ST6GALNAC5: variants seen among roughly 807,000 people sequenced by gnomAD.
ST6GALNAC5 encodes the protein alpha-N-acetylgalactosaminide alpha-2,6-sialyltransferase 5.
ST6GALNAC5 carries 27 observed loss-of-function variants against 33.6 expected under a neutral mutation model. That is an observed-to-expected ratio of 0.80 (90% CI 0.59 to 1.11). The LOEUF is 1.11. Ranked by LOEUF, ST6GALNAC5 falls within the 50% of genes least tolerant of loss-of-function variation. The probability of loss-of-function intolerance (pLI) is 0.00; values close to 1 mark genes in which losing one functional copy is unlikely to be tolerated. For missense variants in ST6GALNAC5, 428 were observed against 454.0 expected, an observed-to-expected ratio of 0.94 and a Z score of 0.52; for synonymous variants, 194 against 171.2, an observed-to-expected ratio of 1.13 and a Z score of -1.04.
intron 1 of ST6GALNAC5, 109 bp downstream of exon 1, chr1:76,867,799 C>T (rs930329177): frequency 2.0e-6 from 3 of 1,519,164 alleles, no homozygotes; most frequent in East Asian, 2.3e-5. Context: ...GCCGCGAGGT[C>T]GCCTGTTACA....
chr1:77,024,570 T>C (rs1651165149), intron 2 of ST6GALNAC5, among the ~76,000 whole-genome samples: 1 of 152,180 alleles, frequency 6.6e-6, no homozygotes, highest in African/African-American at 2.4e-5. Flanking sequence ...CCAGGCGGGC[T>C]GGGGAGCATC....
chr1:77,032,787 G>T (rs1313368513), intron 2 of ST6GALNAC5, among the ~76,000 whole-genome samples: 2 of 152,146 alleles, frequency 1.3e-5, no homozygotes, highest in East Asian at 3.8e-4. Flanking sequence ...TGAAACCTCA[G>T]ATTTTTCCCC....
intron 2 of ST6GALNAC5, among the ~76,000 whole-genome samples, chr1:77,004,950 TC>T (rs1650334867): frequency 1.3e-5 from 2 of 148,432 alleles, no homozygotes; most frequent in African/African-American, 4.9e-5. Context: ...TTTTTGTTTG[TC>T]TGTGCCCTGC....
chr1:77,009,741 G>T (rs567089951), intron 2 of ST6GALNAC5, among the ~76,000 whole-genome samples: 1 of 152,282 alleles, frequency 6.6e-6, no homozygotes, highest in African/African-American at 2.4e-5. Flanking sequence ...TCCCCCTGAG[G>T]AAATCATAAT....
intron 2 of ST6GALNAC5, among the ~76,000 whole-genome samples, chr1:76,883,550 T>C (rs1484990760): frequency 2.0e-5 from 3 of 152,234 alleles, no homozygotes; most frequent in African/African-American, 4.8e-5. Flanking sequence ...CTTTAATTTC[T>C]GTTTCCCCTT....
chr1:76,945,499 T>C lies in ST6GALNAC5; in HGVS notation c.261+76757T>C, dbSNP rs17099751. On this transcript the variant is annotated intron_variant, in intron 2 of 4. Transcript: ENST00000477717. ...TTTCAGGTGTTATGTTTCTCTATTTTGTAGACTTTCATGTTCTACATTGTG... is the reference window on the plus strand; with the variant it reads ...TTTCAGGTGTTATGTTTCTCTATTTCGTAGACTTTCATGTTCTACATTGTG... 5.3e-4 allele frequency among the ~76,000 whole-genome samples: 80 copies of C among 152,256 alleles called. No homozygotes were observed. The East Asian group carries it at 0.012, about 22-fold the overall frequency.
At chr1:77,057,114 A>G (rs1419930351) in intron 4 of ST6GALNAC5, among the ~76,000 whole-genome samples, 1 of 152,164 alleles carries the variant, frequency 6.6e-6, no homozygotes, top group African/African-American at 2.4e-5. Flanking sequence ...TTTCCTGAGT[A>G]CCTACTATAT....
intron 2 of ST6GALNAC5, among the ~76,000 whole-genome samples, chr1:76,937,100 G>A (rs1043263600): frequency 1.3e-5 from 2 of 151,860 alleles, no homozygotes; most frequent in Non-Finnish European, 2.9e-5. Flanking sequence ...CAAGAGAGTG[G>A]TATGGGTGAT....
chr1:76,904,166 T>C (rs1646842830), intron 2 of ST6GALNAC5, among the ~76,000 whole-genome samples: 1 of 152,194 alleles, frequency 6.6e-6, no homozygotes, highest in Non-Finnish European at 1.5e-5. Flanking sequence ...AAATAGGTCA[T>C]TTTCATGGGA....
In ST6GALNAC5 at chr1:76,972,375, G is replaced by A. The variant is rs146321003; in HGVS notation, c.262-71829G>A. On this transcript the variant is annotated intron_variant, in intron 2 of 4. Transcript: ENST00000477717. ...AGATCTACAATTCAAGTTGAGATTT[G>A]TGTGGGGACACAGCCAAACCATTTC... Among the ~76,000 whole-genome samples the A allele has an allele frequency of 3.6e-4, 55 of 152,238 alleles. 1 individual carries two copies. Among genetic ancestry groups the A allele is most frequent in the African/African-American group, 1.2e-3 (50 of 41,550 alleles).
In ST6GALNAC5 at chr1:76,868,461, A is replaced by G. The variant is rs1453022238; in HGVS notation, c.16-36A>G. On this transcript the variant is annotated intron_variant, in intron 1 of 4. Transcript: ENST00000477717. This position sits in a 1 kb window ranked among gnomAD's most constrained non-coding sequence, Gnocchi z 4.3. ...GCGCGCTCCTCCGGTGTCTGCGCTC[A>G]GCCGCTCTCCTCTTCTCTCTCCCGC... 3 of 1,576,780 alleles carry G rather than the reference A, an allele frequency of 1.9e-6. No homozygotes were observed. The South Asian group carries it at 3.5e-5, about 18-fold the overall frequency.
At chr1:76,927,827 T>C (rs1329294625) in intron 2 of ST6GALNAC5, among the ~76,000 whole-genome samples, 1 of 152,194 alleles carries the variant, frequency 6.6e-6, no homozygotes. Flanking sequence ...TATTGCATTA[T>C]TCAAGCATTT....
intron 2 of ST6GALNAC5, among the ~76,000 whole-genome samples, chr1:77,037,446 T>C (rs1651686372): frequency 1.3e-5 from 2 of 152,152 alleles, no homozygotes; most frequent in Non-Finnish European, 2.9e-5. Context: ...TATTGAGTAC[T>C]ATCCTCACTA....
At chr1:76,881,491 C>CGTTATTTATAAATA (rs1653778370) in intron 2 of ST6GALNAC5, among the ~76,000 whole-genome samples, 1 of 152,114 alleles carries the variant, frequency 6.6e-6, no homozygotes, top group African/African-American at 2.4e-5. Context: ...ATACTTATTC[C>CGTTATTTATAAATA]ACTTTATTGT....
At position 76,868,436 on chromosome 1, in the gene ST6GALNAC5, G is replaced by T; in HGVS notation, c.16-61G>T. On this transcript the variant is annotated intron_variant, in intron 1 of 4. Coordinates refer to ENST00000477717, the MANE Select transcript of ST6GALNAC5 (RefSeq NM_030965.3). This position sits in a 1 kb window ranked among gnomAD's most constrained non-coding sequence, Gnocchi z 4.3. ...ACCACCGCACAGTTGTCCCCGCTGG[G>T]CGCGCTCCTCCGGTGTCTGCGCTCA... The T allele has an allele frequency of 6.5e-7, 1 of 1,544,912 alleles. No individual in the cohort carries two copies. The highest frequency in any genetic ancestry group is 8.7e-7 in the Non-Finnish European group (1 of 1,143,854).
chr1:76,938,800 T>C (rs1051364828), intron 2 of ST6GALNAC5, among the ~76,000 whole-genome samples: 1 of 152,142 alleles, frequency 6.6e-6, no homozygotes. Context: ...AGCCCTGAAG[T>C]GGCTAGCAGA....
chr1:76,950,692 T>C (rs1205173300), intron 2 of ST6GALNAC5, among the ~76,000 whole-genome samples: 1 of 151,784 alleles, frequency 6.6e-6, no homozygotes, highest in African/African-American at 2.4e-5. Flanking sequence ...TTTTTCCAGA[T>C]TGAATGGGTT....
intron 2 of ST6GALNAC5, among the ~76,000 whole-genome samples, chr1:76,874,558 C>T (rs141456637): frequency 9.3e-4 from 142 of 152,166 alleles, no homozygotes; most frequent in African/African-American, 2.8e-3. Flanking sequence ...ATTTAGAGTC[C>T]GATATTCAAG....
At chr1:76,937,446 G>A (rs141608323) in intron 2 of ST6GALNAC5, among the ~76,000 whole-genome samples, 1 of 152,146 alleles carries the variant, frequency 6.6e-6, no homozygotes, top group East Asian at 1.9e-4. Flanking sequence ...TTAACTTCAT[G>A]ATGAAGTTTT....
Sources: gnomAD v4.1 joint callset for allele counts (sites outside exome capture counted in the v4.1 genomes callset) on GRCh38, gnomAD v4.1.1 for gene constraint, Gnocchi (gnomAD v3.1) non-coding constraint, MANE v1.5 for transcripts, NCBI Gene and HGNC (gene_info 2026-07-23, HGNC 2026-07-21) for gene names.